The following SAMD4A variants were observed in gnomAD, a reference collection of about 807,000 sequenced individuals.
The protein encoded by SAMD4A is protein Smaug homolog 1.
Under a neutral mutation model 81.3 loss-of-function variants are expected in SAMD4A, and 33 were observed. The ratio of observed to expected loss-of-function variants is 0.41; its 90% CI spans 0.31 to 0.54. The LOEUF (loss-of-function observed/expected upper bound fraction) is 0.54, where lower values mean the gene tolerates loss of function less well. Among genes scored for constraint, SAMD4A ranks in the 20% least tolerant of loss-of-function variants. SAMD4A has a pLI of 0.37. For synonymous variants in SAMD4A, 389 were observed against 382.1 expected (o/e 1.02, Z -0.21); for missense variants, 854 against 951.1 (o/e 0.90, Z 1.34).
At chr14:54,681,254 C>T (rs2036120683) in intron 2 of SAMD4A, among the ~76,000 whole-genome samples, 1 of 151,400 alleles carries the variant, frequency 6.6e-6, no homozygotes, top group Admixed American at 6.6e-5. Context: ...CACAGTCCCA[C>T]TTGTCTTGCA....
intron 2 of SAMD4A, among the ~76,000 whole-genome samples, chr14:54,641,994 C>T: frequency 6.6e-6 from 1 of 152,156 alleles, no homozygotes; most frequent in Non-Finnish European, 1.5e-5. Context: ...GAAAGGGTTT[C>T]ACCATGTTGG....
chr14:54,672,870 C>T (rs2035914558), intron 2 of SAMD4A, among the ~76,000 whole-genome samples: 2 of 152,202 alleles, frequency 1.3e-5, no homozygotes, highest in Admixed American at 6.5e-5. Flanking sequence ...AGCTATGCAT[C>T]TTCCCACGAA....
chr14:54,571,452 T>C (rs1448408222), intron 2 of SAMD4A, among the ~76,000 whole-genome samples: 3 of 152,184 alleles, frequency 2.0e-5, no homozygotes, highest in Middle Eastern at 3.2e-3. Flanking sequence ...GTAGCAAAAA[T>C]GCAACCCACT....
At chr14:54,711,088 T>C (rs2036979233) in intron 3 of SAMD4A, among the ~76,000 whole-genome samples, 1 of 152,170 alleles carries the variant, frequency 6.6e-6, no homozygotes, top group African/African-American at 2.4e-5. Flanking sequence ...GCCATAAATG[T>C]TTGCTGAACA....
At chr14:54,705,438 C>G (rs963903064) in intron 3 of SAMD4A, among the ~76,000 whole-genome samples, 2 of 152,138 alleles carry the variant, frequency 1.3e-5, no homozygotes, top group African/African-American at 4.8e-5. Context: ...TTACCTCTTT[C>G]AAAGTGGAAA....
chr14:54,639,463 A>AG (rs1219830511), intron 2 of SAMD4A, among the ~76,000 whole-genome samples: 2 of 152,132 alleles, frequency 1.3e-5, no homozygotes, highest in Non-Finnish European at 2.9e-5. Context: ...GGTTGGCGTG[A>AG]GGGGGGCAAA....
Position 54,567,517 on chromosome 14 carries a change from G to T in SAMD4A, c.-400G>T, listed in dbSNP as rs1176400245. On this transcript the variant is annotated 5_prime_UTR_variant, in exon 2 of 13. An upstream start codon of the reference 5' UTR is lost. Transcript: ENST00000554335. ...CCAGTGGTGATCGCCGCTCGGGAAT[G>T]CGGGCGTGAAGGGTCCGAGTTGCCG... 4.7e-6 allele frequency: 1 copy of T among 212,018 alleles called. No individual in the cohort carries two copies. The highest frequency in any genetic ancestry group is 6.3e-5 in the Admixed American group (1 of 15,760). 13.1% of individuals were successfully genotyped at this position (212,018 alleles called of 1,614,324 possible). A position where few individuals can be genotyped will look rare whatever the true frequency, so the allele number is the denominator to read the frequency against.
chr14:54,704,178 A>G (rs2036793967), intron 3 of SAMD4A, among the ~76,000 whole-genome samples: 1 of 152,214 alleles, frequency 6.6e-6, no homozygotes, highest in African/African-American at 2.4e-5. Flanking sequence ...GGTTCTGATG[A>G]CACTGTCTTT....
chr14:54,744,593 G>A (rs181098081), intron 4 of SAMD4A, among the ~76,000 whole-genome samples: 76 of 152,298 alleles, frequency 5.0e-4, no homozygotes, highest in Admixed American at 2.0e-4. Context: ...GGAGCTTTCT[G>A]AAGGATGAAG....
At chr14:54,749,055 G>A (rs1441948270) in intron 5 of SAMD4A, 131 bp downstream of exon 5, 8 of 622,310 alleles carry the variant, frequency 1.3e-5, no homozygotes, top group Non-Finnish European at 2.0e-5. Context: ...AAACTGTGGG[G>A]TGCTGGCCAG....
At chr14:54,685,047 T>A (rs1049715763) in intron 2 of SAMD4A, among the ~76,000 whole-genome samples, 3 of 152,226 alleles carry the variant, frequency 2.0e-5, no homozygotes, top group Non-Finnish European at 2.9e-5. Context: ...CTGAAAAAGA[T>A]TTAGGTGAAT....
At chr14:54,621,266 C>A (rs1320136212) in intron 2 of SAMD4A, among the ~76,000 whole-genome samples, 1 of 152,152 alleles carries the variant, frequency 6.6e-6, no homozygotes, top group African/African-American at 2.4e-5. Context: ...CACAGACAGC[C>A]CAGATGTCAC....
chr14:54,637,102 C>T (rs531647725), intron 2 of SAMD4A, among the ~76,000 whole-genome samples: 3 of 151,922 alleles, frequency 2.0e-5, no homozygotes, highest in South Asian at 2.1e-4. Flanking sequence ...TGGTAGCTCA[C>T]GCCTGTAATC....
chr14:54,668,676 A>C (rs1055444141), intron 2 of SAMD4A: 1 of 152,278 alleles, frequency 6.6e-6, no homozygotes, highest in Non-Finnish European at 1.5e-5. Context: ...GGAAGGAAAA[A>C]AAATGCTAGT....
intron 2 of SAMD4A, among the ~76,000 whole-genome samples, chr14:54,643,473 G>T (rs60094865): frequency 6.6e-6 from 1 of 152,314 alleles, no homozygotes; most frequent in Non-Finnish European, 1.5e-5. Flanking sequence ...GGAAGTACCA[G>T]CCTTGAGCTA....
intron 2 of SAMD4A, among the ~76,000 whole-genome samples, chr14:54,614,528 C>T (rs11848795): frequency 0.024 from 3,583 of 152,250 alleles, 136 homozygotes; most frequent in African/African-American, 0.083. Flanking sequence ...ACAAAAGGGA[C>T]TTTTAAGAGC....
intron 2 of SAMD4A, among the ~76,000 whole-genome samples, chr14:54,575,003 G>A (rs905487494): frequency 1.3e-5 from 2 of 152,154 alleles, no homozygotes; most frequent in Non-Finnish European, 2.9e-5. Flanking sequence ...AAATGAAAGA[G>A]ACTGTTAGAA....
At chr14:54,587,836 G>T (rs1172276186) in intron 2 of SAMD4A, among the ~76,000 whole-genome samples, 1 of 152,108 alleles carries the variant, frequency 6.6e-6, no homozygotes, top group Non-Finnish European at 1.5e-5. Flanking sequence ...AGGGATATTG[G>T]TCTGTAGTTT....
intron 2 of SAMD4A, among the ~76,000 whole-genome samples, chr14:54,623,627 G>C (rs2034675422): frequency 6.6e-6 from 1 of 151,994 alleles, no homozygotes; most frequent in South Asian, 2.1e-4. Context: ...GGATCAGTTG[G>C]GGAGGGTGGG....
Sources: allele counts gnomAD v4.1 joint callset (sites outside exome capture counted in the v4.1 genomes callset), GRCh38; gene constraint gnomAD v4.1.1; transcripts MANE v1.5; gene names NCBI Gene and HGNC (gene_info 2026-07-23, HGNC 2026-07-21).